Variants in LPP observed in about 807,000 individuals in gnomAD.
LPP encodes LIM domain containing preferred translocation partner in lipoma, also known as lipoma-preferred partner.
Under a neutral mutation model 60.4 loss-of-function variants are expected in LPP, and 38 were observed. The observed-to-expected ratio is 0.63, with a 90% CI of 0.49 to 0.83. The LOEUF (loss-of-function observed/expected upper bound fraction) is 0.83, where lower values mean the gene tolerates loss of function less well. Among genes scored for constraint, LPP ranks in the 40% least tolerant of loss-of-function variants. The probability of loss-of-function intolerance (pLI) is 0.00; values close to 1 mark genes in which losing one functional copy is unlikely to be tolerated. For synonymous variants in LPP, 328 were observed against 290.8 expected (o/e 1.13, Z -1.30); for missense variants, 902 against 783.6 (o/e 1.15, Z -1.80).
intron 9 of LPP, among the ~76,000 whole-genome samples, chr3:188,824,283 A>T (rs1201435936): frequency 1.3e-5 from 2 of 152,222 alleles, no homozygotes; most frequent in Non-Finnish European, 2.9e-5. Context: ...TAGAATGAAG[A>T]CATGAGTATT....
At chr3:188,379,380 C>G (rs758323723) in intron 3 of LPP, among the ~76,000 whole-genome samples, 1 of 152,074 alleles carries the variant, frequency 6.6e-6, no homozygotes, top group Admixed American at 6.6e-5. Context: ...GGCAAGTTTT[C>G]TTAATAGCTT....
At chr3:188,683,835 A>G (rs1400824585) in intron 7 of LPP, among the ~76,000 whole-genome samples, 1 of 152,236 alleles carries the variant, frequency 6.6e-6, no homozygotes, top group East Asian at 1.9e-4. Flanking sequence ...GGGAGGGTCA[A>G]GAAACCTTAT....
At chr3:188,720,069 C>A (rs957583283) in intron 8 of LPP, among the ~76,000 whole-genome samples, 1 of 152,128 alleles carries the variant, frequency 6.6e-6, no homozygotes, top group African/African-American at 2.4e-5. Flanking sequence ...CGTGCCACCA[C>A]GCCCAGCTAA....
intron 6 of LPP, among the ~76,000 whole-genome samples, chr3:188,608,877 T>C (rs1843028359): frequency 6.6e-6 from 1 of 152,204 alleles, no homozygotes; most frequent in African/African-American, 2.4e-5. Flanking sequence ...GTATATAATC[T>C]TTCTCCTCCT....
At chr3:188,506,401 T>A (rs1474886247) in intron 5 of LPP, among the ~76,000 whole-genome samples, 2 of 152,236 alleles carry the variant, frequency 1.3e-5, no homozygotes, top group Non-Finnish European at 2.9e-5. Context: ...TGCTGTTTGA[T>A]TTTTTCTGCC....
chr3:188,602,175 A>G (rs1160384482), intron 6 of LPP, among the ~76,000 whole-genome samples: 1 of 98,058 alleles, frequency 1.0e-5, no homozygotes, highest in Non-Finnish European at 2.7e-5. Context: ...ATATATATAT[A>G]TTATATATAT....
intron 6 of LPP, among the ~76,000 whole-genome samples, chr3:188,565,707 A>T (rs1363262764): frequency 6.6e-6 from 1 of 152,010 alleles, no homozygotes; most frequent in African/African-American, 2.4e-5. Flanking sequence ...TATGGCAAAG[A>T]AACTTAAAGT....
At chr3:188,726,917 T>C (rs1057329799) in intron 8 of LPP, among the ~76,000 whole-genome samples, 3 of 152,194 alleles carry the variant, frequency 2.0e-5, no homozygotes, top group Non-Finnish European at 4.4e-5. Context: ...CAAATTCTTA[T>C]CATTCAAAAT....
intron 9 of LPP, among the ~76,000 whole-genome samples, chr3:188,852,950 C>A (rs2151871625): frequency 6.6e-6 from 1 of 152,148 alleles, no homozygotes; most frequent in African/African-American, 2.4e-5. Context: ...CGATACCAGC[C>A]TGGCCAAACA....
chr3:188,363,495 A>T (rs1770134977), intron 3 of LPP, among the ~76,000 whole-genome samples: 6 of 152,228 alleles, frequency 3.9e-5, no homozygotes, highest in Admixed American at 3.9e-4. Context: ...TCATATTTCC[A>T]TCAAGGCAGC....
At chr3:188,288,995 T>C (rs898124733) in intron 2 of LPP, among the ~76,000 whole-genome samples, 8 of 152,100 alleles carry the variant, frequency 5.3e-5, no homozygotes, top group Non-Finnish European at 1.2e-4. Flanking sequence ...CCTTATTTCT[T>C]AGGAAATGTA....
chr3:188,752,077 A>G (rs114132346), intron 8 of LPP, among the ~76,000 whole-genome samples: 3,001 of 152,314 alleles, frequency 0.02, 90 homozygotes, highest in African/African-American at 0.069. Context: ...AAGTTGAACT[A>G]TATACTTCCT....
chr3:188,372,596 C>T (rs1002828046), intron 3 of LPP, among the ~76,000 whole-genome samples: 1 of 151,824 alleles, frequency 6.6e-6, no homozygotes, highest in African/African-American at 2.4e-5. Flanking sequence ...TTCCCCTGGG[C>T]TTTTCTTCCC....
chr3:188,299,276 C>A (rs890747365), intron 2 of LPP, among the ~76,000 whole-genome samples: 1 of 152,160 alleles, frequency 6.6e-6, no homozygotes, highest in Admixed American at 6.5e-5. Flanking sequence ...TACCAACTTA[C>A]TGGGGAGCAC....
At chr3:188,753,403 C>G (rs1016842971) in intron 8 of LPP, among the ~76,000 whole-genome samples, 3 of 152,126 alleles carry the variant, frequency 2.0e-5, no homozygotes, top group African/African-American at 7.2e-5. Flanking sequence ...AAGGTCTAAG[C>G]TAAGCAAATC....
At chr3:188,759,132 CATAGAG>C (rs1298725669) in intron 8 of LPP, 5 of 152,198 alleles carry the variant, frequency 3.3e-5, no homozygotes, top group Non-Finnish European at 7.3e-5. Context: ...GATGGAGCCA[CATAGAG>C]ATATGGATGG....
At chr3:188,754,560 C>T (rs1427349830) in intron 8 of LPP, among the ~76,000 whole-genome samples, 1 of 152,132 alleles carries the variant, frequency 6.6e-6, no homozygotes, top group Admixed American at 6.6e-5. Context: ...CTTGACTCAA[C>T]ATAGAATCAC....
intron 9 of LPP, among the ~76,000 whole-genome samples, chr3:188,812,153 A>C (rs1001312680): frequency 6.6e-6 from 1 of 152,160 alleles, no homozygotes. Context: ...TTTATTTTCA[A>C]CATTAAGTGT....
chr3:188,571,801 A>C (rs1833602966), intron 6 of LPP, among the ~76,000 whole-genome samples: 1 of 152,126 alleles, frequency 6.6e-6, no homozygotes, highest in Non-Finnish European at 1.5e-5. Flanking sequence ...CCTGACTTCA[A>C]AATTATTGTA....
Sources: gnomAD v4.1 joint callset for allele counts (sites outside exome capture counted in the v4.1 genomes callset) on GRCh38, gnomAD v4.1.1 for gene constraint, MANE v1.5 for transcripts, NCBI Gene and HGNC (gene_info 2026-07-23, HGNC 2026-07-21) for gene names.